Variants in CNTNAP5 observed in about 807,000 individuals in gnomAD.
The protein encoded by CNTNAP5 is contactin-associated protein-like 5.
A neutral mutation model predicts 150.2 loss-of-function variants in CNTNAP5; 72 were observed. That is an observed-to-expected ratio of 0.48 (90% CI 0.40 to 0.58). The LOEUF is 0.58. Ranked by LOEUF, CNTNAP5 falls within the 20% of genes least tolerant of loss-of-function variation. The probability of loss-of-function intolerance (pLI) is 0.00; values close to 1 mark genes in which losing one functional copy is unlikely to be tolerated. For missense variants in CNTNAP5, 1,636 were observed against 1,626.2 expected, an observed-to-expected ratio of 1.01 and a Z score of -0.10; for synonymous variants, 672 against 619.8, an observed-to-expected ratio of 1.08 and a Z score of -1.25.
At chr2:124,205,791 C>A (rs1685848743) in intron 1 of CNTNAP5, among the ~76,000 whole-genome samples, 1 of 151,988 alleles carries the variant, frequency 6.6e-6, no homozygotes, top group Admixed American at 6.5e-5. Flanking sequence ...TCTCTTTTTT[C>A]CTCTGTGTGT....
intron 19 of CNTNAP5, among the ~76,000 whole-genome samples, chr2:124,860,836 A>T (rs1390242772): frequency 1.3e-5 from 2 of 151,998 alleles, no homozygotes; most frequent in Admixed American, 1.3e-4. Context: ...TGAATTCTGA[A>T]GTATGGGAGA....
At chr2:124,519,493 G>A (rs1694806201) in intron 8 of CNTNAP5, among the ~76,000 whole-genome samples, 1 of 152,192 alleles carries the variant, frequency 6.6e-6, no homozygotes, top group African/African-American at 2.4e-5. Context: ...AGCATGATGA[G>A]CAAAAGGAGC....
intron 21 of CNTNAP5, among the ~76,000 whole-genome samples, chr2:124,886,825 A>G (rs1442350418): frequency 2.6e-5 from 4 of 151,974 alleles, no homozygotes; most frequent in Non-Finnish European, 5.9e-5. Context: ...TTTATAACTG[A>G]CACCTGTGCA....
intron 3 of CNTNAP5, among the ~76,000 whole-genome samples, chr2:124,409,071 G>C (rs1237747677): frequency 7.2e-6 from 1 of 139,134 alleles, no homozygotes; most frequent in Non-Finnish European, 1.6e-5. Context: ...ACCAAGGCTC[G>C]AGAACTACGT....
chr2:124,121,917 A>G (rs940874742), intron 1 of CNTNAP5, among the ~76,000 whole-genome samples: 1 of 152,196 alleles, frequency 6.6e-6, no homozygotes, highest in Non-Finnish European at 1.5e-5. Context: ...ACTGTACAAG[A>G]CAGATGCATG....
chr2:124,671,214 G>T (rs1340705986), intron 13 of CNTNAP5, among the ~76,000 whole-genome samples: 1 of 152,164 alleles, frequency 6.6e-6, no homozygotes, highest in East Asian at 1.9e-4. Flanking sequence ...ACCTCTTCAT[G>T]GTGTTAAGCT....
intron 4 of CNTNAP5, among the ~76,000 whole-genome samples, chr2:124,433,514 A>G (rs1351052031): frequency 1.3e-5 from 2 of 152,188 alleles, no homozygotes; most frequent in Non-Finnish European, 2.9e-5. Context: ...ATGCTGAATA[A>G]TACAAAAATT....
intron 21 of CNTNAP5, among the ~76,000 whole-genome samples, chr2:124,895,597 C>G (rs1241730222): frequency 5.3e-5 from 8 of 151,384 alleles, no homozygotes; most frequent in Non-Finnish European, 1.2e-4. Context: ...TTCACTTCAG[C>G]CTGGGTGACA....
intron 1 of CNTNAP5, among the ~76,000 whole-genome samples, chr2:124,162,301 A>T (rs1366863461): frequency 6.6e-6 from 1 of 152,150 alleles, no homozygotes; most frequent in Non-Finnish European, 1.5e-5. Context: ...TATGACAGAG[A>T]TTGTATTGAT....
intron 13 of CNTNAP5, among the ~76,000 whole-genome samples, chr2:124,740,827 G>A (rs939356769): frequency 6.6e-6 from 1 of 152,160 alleles, no homozygotes; most frequent in African/African-American, 2.4e-5. Flanking sequence ...GCCGTGGCTG[G>A]AGAGGTCATG....
chr2:124,675,163 T>C (rs568898916), intron 13 of CNTNAP5, among the ~76,000 whole-genome samples: 4 of 152,124 alleles, frequency 2.6e-5, no homozygotes, highest in Non-Finnish European at 4.4e-5. Flanking sequence ...ATCGTTTTAT[T>C]TTCCTGATGA....
chr2:124,107,207 G>A (rs536928747), intron 1 of CNTNAP5, among the ~76,000 whole-genome samples: 15 of 152,266 alleles, frequency 9.9e-5, no homozygotes, highest in Admixed American at 3.3e-4. Flanking sequence ...TGCTCTCAGG[G>A]CTGGCAGTGA....
At chr2:124,179,117 T>G (rs1056913164) in intron 1 of CNTNAP5, among the ~76,000 whole-genome samples, 6 of 151,752 alleles carry the variant, frequency 4.0e-5, no homozygotes, top group Admixed American at 3.9e-4. Context: ...TGCATTCTCA[T>G]GTACCTGCAC....
intron 3 of CNTNAP5, among the ~76,000 whole-genome samples, chr2:124,264,223 T>C (rs1687540042): frequency 1.3e-5 from 2 of 152,146 alleles, no homozygotes; most frequent in African/African-American, 2.4e-5. Context: ...AGTGAGTTCA[T>C]TTTAACCTTG....
intron 2 of CNTNAP5, among the ~76,000 whole-genome samples, chr2:124,237,882 C>T (rs912032799): frequency 6.6e-6 from 1 of 152,036 alleles, no homozygotes. Context: ...AACACAATTG[C>T]TTAGAATTCT....
chr2:124,744,783 G>A (rs1680570070), intron 13 of CNTNAP5, among the ~76,000 whole-genome samples: 1 of 152,084 alleles, frequency 6.6e-6, no homozygotes, highest in South Asian at 2.1e-4. Context: ...TACATGGTTA[G>A]CATCAAGACT....
intron 3 of CNTNAP5, among the ~76,000 whole-genome samples, chr2:124,277,009 T>C (rs1687898728): frequency 1.3e-5 from 2 of 152,094 alleles, no homozygotes; most frequent in African/African-American, 2.4e-5. Context: ...AGATATTAGA[T>C]GGGGGAGGTG....
At chr2:124,173,277 C>T (rs1004131982) in intron 1 of CNTNAP5, among the ~76,000 whole-genome samples, 1 of 152,172 alleles carries the variant, frequency 6.6e-6, no homozygotes, top group African/African-American at 2.4e-5. Flanking sequence ...GCAATAGCCT[C>T]TCAGTACTCA....
chr2:124,312,601 C>T (rs1480141111), intron 3 of CNTNAP5, among the ~76,000 whole-genome samples: 3 of 152,130 alleles, frequency 2.0e-5, no homozygotes, highest in Non-Finnish European at 2.9e-5. Context: ...GACGGAGTCT[C>T]GCTCTTTCGC....
Sources: allele counts gnomAD v4.1 joint callset (sites outside exome capture counted in the v4.1 genomes callset), GRCh38; gene constraint gnomAD v4.1.1; transcripts MANE v1.5; gene names NCBI Gene and HGNC (gene_info 2026-07-23, HGNC 2026-07-21).